Variants in PARP4 observed in about 807,000 individuals in gnomAD.
The protein encoded by PARP4 is poly(ADP-ribose) polymerase family member 4.
In PARP4, 120 loss-of-function variants were observed where a neutral mutation model predicts 187.7. The observed-to-expected ratio is 0.64, with a 90% CI of 0.55 to 0.74. PARP4 has a LOEUF of 0.74. Ranked by LOEUF, PARP4 falls within the 30% of genes least tolerant of loss-of-function variation. The probability of loss-of-function intolerance (pLI) is 0.00; values close to 1 mark genes in which losing one functional copy is unlikely to be tolerated. For missense variants in PARP4, 1,836 were observed against 2,070.5 expected, an observed-to-expected ratio of 0.89 and a Z score of 2.20; for synonymous variants, 654 against 740.9, an observed-to-expected ratio of 0.88 and a Z score of 1.90.
chr13:24,458,998 A>G, intron 20 of PARP4, 46 bp downstream of exon 20: 1 of 1,290,956 alleles, frequency 7.7e-7, no homozygotes, highest in South Asian at 1.2e-5. Context: ...ATAAGATAAA[A>G]GTAGTGTTAA....
rs1380443510 is a variant in PARP4, at chr13:24,504,305, TTC to T, written c.-1-530_-1-529del. 1.9e-3 allele frequency among the ~76,000 whole-genome samples: 239 copies of T among 128,464 alleles called. 1 individual carries two copies. The highest frequency in any genetic ancestry group is 1.7e-3 in the Non-Finnish European group (101 of 60,692). 84.3% of individuals were successfully genotyped at this position (128,464 alleles called of 152,430 possible). On this transcript the variant is annotated intron_variant, in intron 1 of 33. Coordinates refer to ENST00000381989, the MANE Select transcript of PARP4 (RefSeq NM_006437.4). ...TACACATATATATTCTGCATTTAGG[TTC>T]TTTTTTTTTTTTTTTTTTTTTTTGG...
At chr13:24,424,190 A>G (rs9318529) in intron 33 of PARP4, among the ~76,000 whole-genome samples, 65,126 of 151,970 alleles carry the variant, frequency 0.43, 14,675 homozygotes, top group African/African-American at 0.57. Context: ...TTAAAAAATA[A>G]TTATCAATAT....
intron 24 of PARP4, among the ~76,000 whole-genome samples, chr13:24,450,954 C>T (rs1403547688): frequency 6.6e-6 from 1 of 152,132 alleles, no homozygotes; most frequent in Non-Finnish European, 1.5e-5. Context: ...TGGCTCACTA[C>T]AGCCTTGACC....
intron 21 of PARP4, 61 bp from the exon 22 acceptor site, chr13:24,455,273 A>G: frequency 1.6e-6 from 2 of 1,280,492 alleles, no homozygotes; most frequent in Non-Finnish European, 2.1e-6. Context: ...CAAAAGGTCT[A>G]CTTAGAAAAC....
At chr13:24,455,269 G>A in intron 21 of PARP4, 57 bp from the exon 22 acceptor site, 2 of 1,345,360 alleles carry the variant, frequency 1.5e-6, no homozygotes, top group South Asian at 1.5e-5. Context: ...ACTGCAAAAG[G>A]TCTACTTAGA....
intron 32 of PARP4, among the ~76,000 whole-genome samples, chr13:24,428,389 CTCA>C (rs1870168744): frequency 6.6e-6 from 1 of 152,216 alleles, no homozygotes; most frequent in Non-Finnish European, 1.5e-5. Context: ...TTTGGGTGAT[CTCA>C]TCCAGAGCCA....
At chr13:24,427,029 G>A (rs546505433) in intron 32 of PARP4, among the ~76,000 whole-genome samples, 9 of 151,994 alleles carry the variant, frequency 5.9e-5, no homozygotes, top group South Asian at 2.1e-4. Flanking sequence ...AGTTAGACCC[G>A]TGTGCCTATG....
Position 24,490,690 on chromosome 13 carries a change from C to T in PARP4, c.1192G>A (p.Glu398Lys), listed in dbSNP as rs201456907. 119 of 1,613,670 alleles carry T rather than the reference C, an allele frequency of 7.4e-5. No homozygotes were observed. The highest frequency in any genetic ancestry group is 4.9e-4 in the Middle Eastern group (3 of 6,082). The change falls in exon 10 of 34, where the codon GAG becomes AAG. Residue 398 changes from glutamate (E) to lysine (K), a missense_variant. Around this residue, in one of 8 missense-constraint regions of PARP4, gnomAD observed 1,147 missense variants for 1,214.2 expected, o/e 0.94. Coordinates refer to ENST00000381989, the MANE Select transcript of PARP4 (RefSeq NM_006437.4). ...NTEEFLRVRK[E>K]VLQNHHSKSP... ...TACCTGTGATGATTCTGCAAAACCTCTTTTCTAACCCTGAGAAATTCTTCA... is the reference window on the plus strand; with the variant it reads ...TACCTGTGATGATTCTGCAAAACCTTTTTTCTAACCCTGAGAAATTCTTCA...
chr13:24,510,574 G>T, intron 1 of PARP4, among the ~76,000 whole-genome samples: 3 of 118,720 alleles, frequency 2.5e-5, no homozygotes, highest in African/African-American at 3.0e-5. Context: ...AAAAAAAAGT[G>T]TTCACTATTA....
rs751669730 is a variant in PARP4 at position 24,435,302 on chromosome 13, C to A, written c.3839G>T (p.Gly1280Val). Reference protein sequence around the residue: ...PAFTSNLERGGVEKLLDLSWT... With the variant: ...PAFTSNLERGVVEKLLDLSWT... ...ACTTAAATCCAATAGCTTTTCCACA[C>A]CTCCACGTTCCAAATTTGATGTGAA... Residue 1280 changes from glycine (G) to valine (V), a missense_variant, in exon 31 of 34, where the codon GGT becomes GTT. Gly to Val is a moderately radical substitution (Grantham distance 109). Around this residue, in one of 8 missense-constraint regions of PARP4, gnomAD observed 450 missense variants for 439.2 expected, o/e 1.02. Transcript: ENST00000381989. The A allele has an allele frequency of 1.2e-6, 2 of 1,612,822 alleles. No individual in the cohort carries two copies. Among genetic ancestry groups the A allele is most frequent in the Non-Finnish European group, 1.7e-6 (2 of 1,179,850 alleles).
At chr13:24,506,863 G>A (rs111699186) in intron 1 of PARP4, among the ~76,000 whole-genome samples, 1,620 of 152,306 alleles carry the variant, frequency 0.011, 25 homozygotes, top group African/African-American at 0.036. Context: ...GGCGCCGGCC[G>A]CGCTCCTGCG....
At chr13:24,439,739 C>A (rs1308932959) in intron 30 of PARP4, among the ~76,000 whole-genome samples, 1 of 152,144 alleles carries the variant, frequency 6.6e-6, no homozygotes, top group African/African-American at 2.4e-5. Context: ...CAGTAAGTCT[C>A]AAGGACAAAC....
chr13:24,467,016 A>C (rs4769360), intron 17 of PARP4, among the ~76,000 whole-genome samples: 77,225 of 151,842 alleles, frequency 0.51, 19,951 homozygotes, highest in South Asian at 0.65. Flanking sequence ...GCAGAAACTC[A>C]CAGATTGGAT....
intron 6 of PARP4, among the ~76,000 whole-genome samples, chr13:24,497,009 T>A (rs567999237): frequency 6.6e-6 from 1 of 151,814 alleles, no homozygotes; most frequent in Non-Finnish European, 1.5e-5. Context: ...GGCAACAGAG[T>A]GAGACTCTGT....
At chr13:24,445,104 G>A (rs1460911909) in intron 27 of PARP4, among the ~76,000 whole-genome samples, 2 of 152,004 alleles carry the variant, frequency 1.3e-5, no homozygotes, top group East Asian at 1.9e-4. Flanking sequence ...GCCTCTGTAC[G>A]GTATGAAACT....
intron 5 of PARP4, among the ~76,000 whole-genome samples, chr13:24,498,714 G>A (rs116246851): frequency 0.012 from 1,779 of 151,864 alleles, 41 homozygotes; most frequent in African/African-American, 0.04. Flanking sequence ...GGCAAGTGAT[G>A]CCACATCAGA....
intron 14 of PARP4, among the ~76,000 whole-genome samples, chr13:24,477,465 A>AG (rs369360933): frequency 3.3e-5 from 5 of 151,916 alleles, no homozygotes; most frequent in Non-Finnish European, 7.4e-5. Context: ...CTCAAAAAAA[A>AG]AGAAATATAT....
intron 25 of PARP4, among the ~76,000 whole-genome samples, chr13:24,449,066 A>T (rs1249553176): frequency 6.6e-6 from 1 of 152,214 alleles, no homozygotes; most frequent in Non-Finnish European, 1.5e-5. Flanking sequence ...TTGTGAATGT[A>T]GCTAATACCA....
In PARP4 at chr13:24,449,750, T is replaced by TAA. The variant is rs1871408175; in HGVS notation, c.3080_3081dup (p.Asn1028LeufsTer13). ...CTCCAACTATGCTTGGATTTTGCAT[T>TAA]AAAATATTCAAATACTCCGGCACCA... On this transcript the variant is annotated frameshift_variant, in exon 25 of 34. Coordinates refer to ENST00000381989, the MANE Select transcript of PARP4 (RefSeq NM_006437.4). LOFTEE classifies it high-confidence loss of function. 6.2e-7 allele frequency: 1 copy of TAA among 1,608,562 alleles called. No homozygotes were observed. The highest frequency in any genetic ancestry group is 8.5e-7 in the Non-Finnish European group (1 of 1,175,930).
Sources: gnomAD v4.1 joint callset for allele counts (sites outside exome capture counted in the v4.1 genomes callset) on GRCh38, gnomAD v4.1.1 for gene constraint, gnomAD v4.1.1 regional missense constraint, MANE v1.5 for transcripts, NCBI Gene and HGNC (gene_info 2026-07-23, HGNC 2026-07-21) for gene names.